The following RAB10 variants were observed in gnomAD, a reference collection of about 807,000 sequenced individuals.
RAB10 encodes the protein RAB10, member RAS oncogene family.
A neutral mutation model predicts 25.7 loss-of-function variants in RAB10; 5 were observed. The observed-to-expected ratio is 0.19, with a 90% confidence interval of 0.10 to 0.41. RAB10 has a LOEUF of 0.41. Among genes scored for constraint, RAB10 ranks in the 10% least tolerant of loss-of-function variants. The probability of loss-of-function intolerance (pLI) is 1.00; values close to 1 mark genes in which losing one functional copy is unlikely to be tolerated. For missense variants in RAB10, 103 were observed against 245.8 expected (o/e 0.42, Z 3.89); for synonymous variants, 89 against 86.4 (o/e 1.03, Z -0.16).
chr2:26,083,987 C>T (rs1018881448), intron 1 of RAB10, among the ~76,000 whole-genome samples: 1 of 152,298 alleles, frequency 6.6e-6, no homozygotes, highest in East Asian at 1.9e-4. Flanking sequence ...GAACTAAAGA[C>T]AGCCCAAATA....
intron 1 of RAB10, among the ~76,000 whole-genome samples, chr2:26,064,345 A>G (rs1301507843): frequency 6.6e-6 from 1 of 151,830 alleles, no homozygotes; most frequent in Admixed American, 6.6e-5. Flanking sequence ...TTGTTTTTGT[A>G]TTTTGAGGTG....
chr2:26,068,173 A>G (rs570276890), intron 1 of RAB10, among the ~76,000 whole-genome samples: 1 of 152,340 alleles, frequency 6.6e-6, no homozygotes, highest in East Asian at 1.9e-4. Context: ...AAGTGGGCAC[A>G]AAAAGGTCCT....
At chr2:26,104,102 C>T (rs555465902) in intron 2 of RAB10, among the ~76,000 whole-genome samples, 1 of 152,190 alleles carries the variant, frequency 6.6e-6, no homozygotes, top group Admixed American at 6.5e-5. Context: ...GGTTATATGC[C>T]TAGAATTGTT....
intron 2 of RAB10, among the ~76,000 whole-genome samples, chr2:26,099,752 C>T (rs940851515): frequency 2.6e-5 from 4 of 151,978 alleles, no homozygotes; most frequent in South Asian, 2.1e-4. Flanking sequence ...CTGTATTAGC[C>T]AGGATGGTCT....
upstream of RAB10, among the ~76,000 whole-genome samples, chr2:26,033,362 T>C (rs1371313100): frequency 6.6e-6 from 1 of 152,218 alleles, no homozygotes; most frequent in Admixed American, 6.5e-5. Context: ...AGGTTCTTCC[T>C]GCGCCCAGGT....
intron 1 of RAB10, among the ~76,000 whole-genome samples, chr2:26,085,895 A>G (rs933986986): frequency 6.8e-6 from 1 of 147,590 alleles, no homozygotes; most frequent in African/African-American, 2.5e-5. Flanking sequence ...GCTACTTGGG[A>G]GGCTGAGATA....
chr2:26,054,349 C>T (rs1178862054), intron 1 of RAB10, among the ~76,000 whole-genome samples: 2 of 151,670 alleles, frequency 1.3e-5, no homozygotes, highest in South Asian at 2.1e-4. Flanking sequence ...CCACCGCGCC[C>T]GGCCTAATGT....
chr2:26,134,645 C>T (rs1668072535), intron 5 of RAB10, among the ~76,000 whole-genome samples: 1 of 152,084 alleles, frequency 6.6e-6, no homozygotes, highest in Non-Finnish European at 1.5e-5. Flanking sequence ...ATTCAGAGGT[C>T]AGGGCTAGAA....
At chr2:26,131,053 T>C (rs540739311) in intron 5 of RAB10, among the ~76,000 whole-genome samples, 31 of 150,484 alleles carry the variant, frequency 2.1e-4, no homozygotes, top group Non-Finnish European at 4.0e-4. Flanking sequence ...TTTTGAATAG[T>C]GCTATATAGC....
Position 26,109,772 on chromosome 2 carries a change from A to G in RAB10, c.193A>G (p.Thr65Ala). ...GKKIKLQIWD[T>A]AGQERFHTIT... ...ATTATTGGCTGTTTATTTCAGGGAT[A>G]CAGCAGGCCAGGAGCGATTTCACAC... Residue 65 changes from threonine (T) to alanine (A), a missense_variant, in exon 3 of 6, where the codon ACA (threonine) becomes GCA (alanine). By Grantham distance (58) the Thr-to-Ala change is moderately conservative (BLOSUM62 0). This residue lies in a region of RAB10 where 79 missense variants were observed against 217.8 expected (regional missense o/e 0.36). Transcript: ENST00000264710. The G allele has an allele frequency of 6.3e-7, 1 of 1,576,114 alleles. No individual in the cohort carries two copies. The highest frequency in any genetic ancestry group is 8.6e-7 in the Non-Finnish European group (1 of 1,165,810).
intron 1 of RAB10, among the ~76,000 whole-genome samples, chr2:26,095,808 A>T (rs1416403682): frequency 6.6e-6 from 1 of 152,080 alleles, no homozygotes; most frequent in Non-Finnish European, 1.5e-5. Flanking sequence ...GCTACTCAGG[A>T]GGCTGAGGTG....
chr2:26,056,143 A>C (rs1190024339), intron 1 of RAB10, among the ~76,000 whole-genome samples: 1 of 151,710 alleles, frequency 6.6e-6, no homozygotes, highest in East Asian at 1.9e-4. Context: ...CTCCTGCCTC[A>C]GCCTCCCAAA....
At chr2:26,113,619 C>G (rs1667624764) in intron 3 of RAB10, among the ~76,000 whole-genome samples, 1 of 151,824 alleles carries the variant, frequency 6.6e-6, no homozygotes, top group African/African-American at 2.4e-5. Flanking sequence ...TTCCTTAATC[C>G]TGTAAGTGAC....
At chr2:26,115,087 A>G (rs1667655396) in intron 3 of RAB10, among the ~76,000 whole-genome samples, 1 of 152,212 alleles carries the variant, frequency 6.6e-6, no homozygotes, top group Non-Finnish European at 1.5e-5. Flanking sequence ...GACAGACTCT[A>G]ACAAGCGTTC....
chr2:26,048,598 T>C (rs754178295), intron 1 of RAB10, among the ~76,000 whole-genome samples: 2 of 152,314 alleles, frequency 1.3e-5, no homozygotes, highest in Non-Finnish European at 2.9e-5. Flanking sequence ...CATTTAAAAT[T>C]CTAGTCTTGA....
chr2:26,067,799 C>T (rs1666543754), intron 1 of RAB10, among the ~76,000 whole-genome samples: 1 of 152,192 alleles, frequency 6.6e-6, no homozygotes, highest in African/African-American at 2.4e-5. Flanking sequence ...AATTCAATGT[C>T]TGTGAAACCA....
At chr2:26,067,079 T>C (rs1240002272) in intron 1 of RAB10, among the ~76,000 whole-genome samples, 2 of 151,808 alleles carry the variant, frequency 1.3e-5, no homozygotes, top group Non-Finnish European at 2.9e-5. Flanking sequence ...ACCATGCCGC[T>C]CTATTTTTTG....
At chr2:26,126,456 A>G (rs1667905137) in intron 3 of RAB10, among the ~76,000 whole-genome samples, 1 of 152,082 alleles carries the variant, frequency 6.6e-6, no homozygotes, top group Admixed American at 6.6e-5. Flanking sequence ...TAGTACACAC[A>G]CCTGTAGTCC....
At position 26,034,206 on chromosome 2, in the gene RAB10, C is replaced by T. The variant is rs1310541862; in HGVS notation, c.-403C>T. On this transcript the variant is annotated 5_prime_UTR_variant, in exon 1 of 6. Coordinates refer to ENST00000264710, the MANE Select transcript of RAB10 (RefSeq NM_016131.5). ...CGACTTAGGGGTCCTTCTTCGCTGC[C>T]CTCGCCGCGTGCTAGCAGGGAGTTT... 7.0e-6 allele frequency: 3 copies of T among 429,902 alleles called. No homozygotes were observed. Among genetic ancestry groups the T allele is most frequent in the South Asian group, 7.5e-5 (1 of 13,296 alleles). The allele number at this position is 429,902 out of a possible 1,614,324, so 26.6% of individuals were successfully genotyped here.
Sources: gnomAD v4.1 joint callset for allele counts (sites outside exome capture counted in the v4.1 genomes callset) on GRCh38, gnomAD v4.1.1 for gene constraint, gnomAD v4.1.1 regional missense constraint, MANE v1.5 for transcripts, NCBI Gene and HGNC (gene_info 2026-07-23, HGNC 2026-07-21) for gene names.